Variants in PDCD1LG2 observed in about 807,000 individuals in gnomAD.
PDCD1LG2 encodes programmed cell death 1 ligand 2, also known as B7 dendritic cell molecule.
In PDCD1LG2, 32 loss-of-function variants were observed where a neutral mutation model predicts 28.2. The observed-to-expected ratio is 1.13, with a 90% confidence interval of 0.86 to 1.52. The LOEUF (loss-of-function observed/expected upper bound fraction) is 1.52. Among genes scored for constraint, PDCD1LG2 ranks in the 40% most tolerant of loss-of-function variants. PDCD1LG2 has a pLI of 0.00. For synonymous variants in PDCD1LG2, 116 were observed against 120.2 expected (o/e 0.97, Z 0.23); for missense variants, 385 against 323.8 (o/e 1.19, Z -1.45).
intron 1 of PDCD1LG2, among the ~76,000 whole-genome samples, chr9:5,511,572 C>A (rs371038281): frequency 2.6e-5 from 4 of 152,102 alleles, no homozygotes; most frequent in East Asian, 3.9e-4. Flanking sequence ...GAATGAGAGA[C>A]CTAAATTGAC....
chr9:5,532,297 TTCTAGCCATGG>T (rs1820498518), intron 2 of PDCD1LG2, among the ~76,000 whole-genome samples: 1 of 152,218 alleles, frequency 6.6e-6, no homozygotes, highest in African/African-American at 2.4e-5. Context: ...CACATTAATG[TTCTAGCCATGG>T]TTAAAACAGG....
chr9:5,525,975 A>G (rs562555339), intron 2 of PDCD1LG2, among the ~76,000 whole-genome samples: 1 of 150,104 alleles, frequency 6.7e-6, no homozygotes, highest in African/African-American at 2.5e-5. Flanking sequence ...TGAACCAGGG[A>G]GTCGGAGGTG....
At chr9:5,530,050 T>A (rs1206459746) in intron 2 of PDCD1LG2, among the ~76,000 whole-genome samples, 1 of 136,090 alleles carries the variant, frequency 7.3e-6, no homozygotes, top group Admixed American at 8.6e-5. Context: ...TGTTGTTAAA[T>A]GTGGGGGATA....
At chr9:5,539,277 A>G (rs1449752777) in intron 3 of PDCD1LG2, among the ~76,000 whole-genome samples, 1 of 152,216 alleles carries the variant, frequency 6.6e-6, no homozygotes, top group East Asian at 1.9e-4. Flanking sequence ...AAGTTGGACC[A>G]TCACCTAAGA....
At chr9:5,529,652 T>G (rs900465467) in intron 2 of PDCD1LG2, among the ~76,000 whole-genome samples, 3 of 152,204 alleles carry the variant, frequency 2.0e-5, no homozygotes, top group Non-Finnish European at 4.4e-5. Flanking sequence ...CTTTTTTCAT[T>G]GATGTTTTTC....
chr9:5,526,003 C>T (rs527680459), intron 2 of PDCD1LG2, among the ~76,000 whole-genome samples: 85 of 150,606 alleles, frequency 5.6e-4, no homozygotes, highest in Middle Eastern at 6.8e-3. Context: ...GCCAAGATCA[C>T]GCCACTGCAC....
At chr9:5,527,919 C>A (rs1409468261) in intron 2 of PDCD1LG2, among the ~76,000 whole-genome samples, 1 of 152,134 alleles carries the variant, frequency 6.6e-6, no homozygotes, top group Non-Finnish European at 1.5e-5. Context: ...ACCTCCGCCT[C>A]CCGGGTTCAG....
chr9:5,549,723 C>T, intron 4 of PDCD1LG2, 119 bp downstream of exon 4: 1 of 1,255,636 alleles, frequency 8.0e-7, no homozygotes, highest in South Asian at 1.5e-5. Flanking sequence ...GTGTGATCAC[C>T]ATTTGGAGAA....
intron 2 of PDCD1LG2, among the ~76,000 whole-genome samples, chr9:5,526,917 G>A (rs1483517981): frequency 6.6e-6 from 1 of 151,508 alleles, no homozygotes; most frequent in Non-Finnish European, 1.5e-5. Flanking sequence ...CTTCCCTGTT[G>A]GTAGACATTA....
intron 5 of PDCD1LG2, among the ~76,000 whole-genome samples, chr9:5,558,837 A>T (rs1202156085): frequency 6.6e-6 from 1 of 152,240 alleles, no homozygotes; most frequent in Non-Finnish European, 1.5e-5. Context: ...GGAGAAAGAG[A>T]AAACAGGAGA....
At position 5,543,909 on chromosome 9, in the gene PDCD1LG2, G is replaced by A. The variant is rs557223615; in HGVS notation, c.362-5426G>A. On this transcript the variant is annotated intron_variant, in intron 3 of 6. Coordinates refer to ENST00000397747, the MANE Select transcript of PDCD1LG2 (RefSeq NM_025239.4). The stretch of plus-strand genomic sequence containing the variant: ...GGAAGCTCCTGGGGATTACAAACTC[G>A]TTAACCTGCTATTCCTTTTCAGGCA... 1.4e-4 allele frequency among the ~76,000 whole-genome samples: 21 copies of A among 152,296 alleles called. No individual in the cohort carries two copies. The South Asian group carries it at 2.3e-3, about 17-fold the overall frequency.
At chr9:5,562,642 T>TA (rs55986223) in intron 5 of PDCD1LG2, among the ~76,000 whole-genome samples, 3 of 151,770 alleles carry the variant, frequency 2.0e-5, no homozygotes, top group Non-Finnish European at 4.4e-5. Context: ...CCTATTGATA[T>TA]AAAAAAAAAA....
intron 4 of PDCD1LG2, among the ~76,000 whole-genome samples, chr9:5,552,018 C>G (rs764145055): frequency 2.6e-5 from 4 of 152,202 alleles, no homozygotes; most frequent in Non-Finnish European, 2.9e-5. Context: ...ACCTAACACC[C>G]CAGATGGAAT....
intron 4 of PDCD1LG2, among the ~76,000 whole-genome samples, chr9:5,551,809 T>C (rs1160648282): frequency 6.6e-6 from 1 of 152,224 alleles, no homozygotes; most frequent in African/African-American, 2.4e-5. Context: ...CCAATTGTAC[T>C]GTTCAAATCC....
At chr9:5,541,772 C>G (rs954453434) in intron 3 of PDCD1LG2, among the ~76,000 whole-genome samples, 4 of 151,874 alleles carry the variant, frequency 2.6e-5, no homozygotes, top group Non-Finnish European at 5.9e-5. Context: ...TCTACAAAGT[C>G]AATGCAATCC....
intron 3 of PDCD1LG2, among the ~76,000 whole-genome samples, chr9:5,543,897 G>A (rs1020595626): frequency 6.6e-6 from 1 of 152,068 alleles, no homozygotes; most frequent in Non-Finnish European, 1.5e-5. Context: ...AGCTCCTGGG[G>A]ATTACAAACT....
intron 3 of PDCD1LG2, among the ~76,000 whole-genome samples, chr9:5,538,527 A>T (rs1485856470): frequency 6.6e-6 from 1 of 152,024 alleles, no homozygotes; most frequent in Non-Finnish European, 1.5e-5. Context: ...CTACTAAAAA[A>T]TACAACAAAA....
At chr9:5,516,276 C>T (rs1586789908) in intron 1 of PDCD1LG2, among the ~76,000 whole-genome samples, 2 of 152,202 alleles carry the variant, frequency 1.3e-5, no homozygotes, top group African/African-American at 4.8e-5. Context: ...TGGTCTCAAA[C>T]TCCTGACCTC....
At chr9:5,527,155 A>G (rs1365446930) in intron 2 of PDCD1LG2, among the ~76,000 whole-genome samples, 1 of 152,264 alleles carries the variant, frequency 6.6e-6, no homozygotes, top group African/African-American at 2.4e-5. Context: ...ACATGGATGT[A>G]CTTACATATG....
Sources: gnomAD v4.1 joint callset for allele counts (sites outside exome capture counted in the v4.1 genomes callset) on GRCh38, gnomAD v4.1.1 for gene constraint, MANE v1.5 for transcripts, NCBI Gene and HGNC (gene_info 2026-07-23, HGNC 2026-07-21) for gene names.